The following FER1L6 variants were observed in gnomAD, a reference collection of about 807,000 sequenced individuals.
The protein encoded by FER1L6 is fer-1-like protein 6.
FER1L6 carries 177 observed loss-of-function variants against 219.2 expected under a neutral mutation model. The ratio of observed to expected loss-of-function variants is 0.81; its 90% confidence interval spans 0.71 to 0.91. The LOEUF is 0.91. Ranked by LOEUF, FER1L6 falls within the 40% of genes least tolerant of loss-of-function variation. The probability of loss-of-function intolerance (pLI) is 0.00; values close to 1 mark genes in which losing one functional copy is unlikely to be tolerated. For synonymous variants in FER1L6, 768 were observed against 824.3 expected (o/e 0.93, Z 1.17); for missense variants, 2,153 against 2,259.9 (o/e 0.95, Z 0.96).
rs138314011 is a variant in FER1L6 at position 123,885,777 on chromosome 8, T to A, written c.-8+33592T>A. Among the ~76,000 whole-genome samples the A allele has an allele frequency of 2.4e-3, 364 of 152,264 alleles. 1 individual carries two copies. Among genetic ancestry groups the A allele is most frequent in the Non-Finnish European group, 4.1e-3 (279 of 68,006 alleles). Reference sequence around the variant, plus strand: ...GGGCGGGAGACCTGGGTTCTGGCAGTGGCCCATGTTCATTCTTGAGCCCAG... The same window carrying A: ...GGGCGGGAGACCTGGGTTCTGGCAGAGGCCCATGTTCATTCTTGAGCCCAG... On this transcript the variant is annotated intron_variant, in intron 1 of 40. Coordinates refer to ENST00000522917, the MANE Select transcript of FER1L6 (RefSeq NM_001039112.2).
intron 11 of FER1L6, among the ~76,000 whole-genome samples, chr8:123,982,424 A>C (rs549777445): frequency 1.4e-4 from 21 of 152,346 alleles, no homozygotes; most frequent in Admixed American, 1.0e-3. Context: ...TGTGGGGTAG[A>C]AAGTACATTT....
chr8:124,068,582 C>T (rs1004942091), intron 28 of FER1L6, among the ~76,000 whole-genome samples: 4 of 152,196 alleles, frequency 2.6e-5, no homozygotes, highest in African/African-American at 7.2e-5. Context: ...ATTTGAGCCT[C>T]ATATTGAACT....
chr8:124,003,291 C>T lies in FER1L6; in HGVS notation c.1644C>T (p.Pro548=), dbSNP rs1817500930. 6.2e-7 allele frequency: 1 copy of T among 1,613,904 alleles called. No homozygotes were observed. Among genetic ancestry groups the T allele is most frequent in the African/African-American group, 1.3e-5 (1 of 74,990 alleles). Residue 548 remains proline (P), a synonymous_variant, in exon 13 of 41, where the codon CCC becomes CCT. Coordinates refer to ENST00000522917, the MANE Select transcript of FER1L6 (RefSeq NM_001039112.2). ...AAGGGGATGTGGCCCATGATGTTCC[C>T]ATTCCTATGGCCTCCACCACTCACC... is the stretch of plus-strand genomic sequence containing the variant. ...EGQGDVAHDV[P]IPMASTTHPE...
chr8:123,956,119 C>T (rs775729382), intron 2 of FER1L6, 45 bp downstream of exon 2: 19 of 1,525,268 alleles, frequency 1.2e-5, no homozygotes, highest in South Asian at 4.6e-5. Flanking sequence ...CTGAGAGTCT[C>T]GCAGAGTGAC....
intron 19 of FER1L6, among the ~76,000 whole-genome samples, chr8:124,038,239 T>C (rs1819304390): frequency 6.6e-6 from 1 of 152,234 alleles, no homozygotes; most frequent in Admixed American, 6.5e-5. Flanking sequence ...GTTACCATCC[T>C]TTAGGGCTCT....
intron 33 of FER1L6, among the ~76,000 whole-genome samples, chr8:124,086,815 C>T (rs903599268): frequency 2.6e-5 from 4 of 152,092 alleles, no homozygotes; most frequent in African/African-American, 4.8e-5. Flanking sequence ...CTGGGAAAGT[C>T]TTTATTTCTC....
At chr8:123,963,249 G>C (rs777150510) in intron 2 of FER1L6, 29 bp from the exon 3 acceptor site, 1 of 1,612,864 alleles carries the variant, frequency 6.2e-7, no homozygotes, top group East Asian at 2.2e-5. Flanking sequence ...CAATTTCACA[G>C]GATTTTCTTC....
intron 39 of FER1L6, among the ~76,000 whole-genome samples, chr8:124,113,559 AT>A (rs1201069672): frequency 6.6e-6 from 1 of 152,174 alleles, no homozygotes. Context: ...AGAATGCCCT[AT>A]TGCCCCCAAA....
chr8:124,044,762 G>A (rs1305122266), intron 20 of FER1L6, among the ~76,000 whole-genome samples: 7 of 152,178 alleles, frequency 4.6e-5, no homozygotes, highest in African/African-American at 7.2e-5. Flanking sequence ...CACTTGCCCC[G>A]CAAACAACTC....
At chr8:124,107,205 C>T (rs1009586258) in intron 39 of FER1L6, among the ~76,000 whole-genome samples, 6 of 152,120 alleles carry the variant, frequency 3.9e-5, no homozygotes, top group African/African-American at 1.4e-4. Context: ...GCCTCAGCCT[C>T]TCAAAGTGCT....
chr8:123,994,805 C>A (rs528932594), intron 12 of FER1L6, among the ~76,000 whole-genome samples: 1 of 152,354 alleles, frequency 6.6e-6, no homozygotes, highest in South Asian at 2.1e-4. Flanking sequence ...AGTTAGCTGG[C>A]AGGCTTCTAC....
chr8:123,912,801 C>A (rs1481363688), intron 1 of FER1L6, among the ~76,000 whole-genome samples: 5 of 152,266 alleles, frequency 3.3e-5, no homozygotes, highest in African/African-American at 1.2e-4. Context: ...CTATGGGAAT[C>A]CAAAGGCATA....
At chr8:123,931,767 A>G (rs541543986) in intron 1 of FER1L6, among the ~76,000 whole-genome samples, 3 of 152,346 alleles carry the variant, frequency 2.0e-5, no homozygotes, top group Admixed American at 1.3e-4. Context: ...GCAAATATTA[A>G]AATCTCAACA....
At chr8:123,898,838 C>T (rs1191425849) in intron 1 of FER1L6, among the ~76,000 whole-genome samples, 44 of 128,402 alleles carry the variant, frequency 3.4e-4, no homozygotes, top group Non-Finnish European at 5.1e-4. Flanking sequence ...TATATATATA[C>T]ATACATATAT....
At chr8:124,059,956 T>A (rs1465602235) in intron 22 of FER1L6, among the ~76,000 whole-genome samples, 1 of 152,224 alleles carries the variant, frequency 6.6e-6, no homozygotes, top group African/African-American at 2.4e-5. Context: ...AGCCTTGTGG[T>A]ACATCTTAAG....
At chr8:123,892,568 G>A (rs935658719) in intron 1 of FER1L6, among the ~76,000 whole-genome samples, 1 of 152,200 alleles carries the variant, frequency 6.6e-6, no homozygotes, top group Non-Finnish European at 1.5e-5. Flanking sequence ...TGGGATTAGA[G>A]GCGTGAGCCA....
chr8:124,048,128 T>C (rs942563278), intron 21 of FER1L6, among the ~76,000 whole-genome samples: 1 of 152,170 alleles, frequency 6.6e-6, no homozygotes, highest in Admixed American at 6.5e-5. Flanking sequence ...GCAGGCAGCT[T>C]TGTTTTCAAG....
intron 22 of FER1L6, among the ~76,000 whole-genome samples, chr8:124,056,862 T>G (rs540291040): frequency 6.6e-6 from 1 of 152,222 alleles, no homozygotes; most frequent in Admixed American, 6.5e-5. Context: ...CTGGTTAACA[T>G]GGTGATACCC....
chr8:124,103,289 T>C lies in FER1L6; in HGVS notation c.5269T>C (p.Ser1757Pro), dbSNP rs1563802228. The C allele has an allele frequency of 4.3e-6, 7 of 1,613,940 alleles. No homozygotes were observed. Among genetic ancestry groups the C allele is most frequent in the African/African-American group, 1.3e-5 (1 of 75,016 alleles). Residue 1757 changes from serine to proline, a missense_variant, in exon 39 of 41, where the codon TCT becomes CCT. Ser to Pro is a moderately conservative substitution (Grantham distance 74). Coordinates refer to ENST00000522917, the MANE Select transcript of FER1L6 (RefSeq NM_001039112.2). Reference protein sequence around the residue: ...QKRVRGWWPFSKSKELTGKVE... With the variant: ...QKRVRGWWPFPKSKELTGKVE... ...ACGTGTGCGTGGCTGGTGGCCTTTT[T>C]CTAAAAGCAAAGAACTCACAGTAAG... is the stretch of plus-strand genomic sequence containing the variant.
Sources: allele counts gnomAD v4.1 joint callset (sites outside exome capture counted in the v4.1 genomes callset), GRCh38; gene constraint gnomAD v4.1.1; transcripts MANE v1.5; gene names NCBI Gene and HGNC (gene_info 2026-07-23, HGNC 2026-07-21).